The following SLC60A2 variants were observed in gnomAD, a reference collection of about 807,000 sequenced individuals.
The protein encoded by SLC60A2 is major facilitator superfamily domain containing 4B.
At chr6:111,266,330 A>G in the SLC60A2 span, 1 of 1,613,972 alleles carries the variant, frequency 6.2e-7, no homozygotes, top group South Asian at 1.1e-5. Flanking sequence ...TCTCATTTGC[A>G]ACCACCCATG....
chr6:111,263,796 A>G, the SLC60A2 span: 1 of 1,165,266 alleles, frequency 8.6e-7, no homozygotes, highest in Non-Finnish European at 1.3e-6. Flanking sequence ...CTGCATGGAT[A>G]TTATTTTTTA....
the SLC60A2 span, among the ~76,000 whole-genome samples, chr6:111,272,143 C>T: frequency 6.6e-6 from 1 of 152,178 alleles, no homozygotes; most frequent in African/African-American, 2.4e-5. Flanking sequence ...GCTGGGACTA[C>T]AGGCTTGTGC....
the SLC60A2 span, chr6:111,270,888 C>T: frequency 6.6e-6 from 1 of 151,404 alleles, no homozygotes; most frequent in Non-Finnish European, 1.5e-5. Context: ...GGGAAAAAAG[C>T]TTCAGCGGTC....
At chr6:111,274,688 C>T in the SLC60A2 span, among the ~76,000 whole-genome samples, 5 of 152,180 alleles carry the variant, frequency 3.3e-5, no homozygotes, top group African/African-American at 1.2e-4. Context: ...AACACTAGTA[C>T]ATTTTATGCT....
chr6:111,259,578 G>C, the SLC60A2 span: 2 of 1,092,764 alleles, frequency 1.8e-6, no homozygotes, highest in Non-Finnish European at 2.5e-6. Context: ...CGGGCCCCCG[G>C]CTGCGGGGCA....
At chr6:111,266,004 G>A in the SLC60A2 span, 1 of 1,614,058 alleles carries the variant, frequency 6.2e-7, no homozygotes, top group Non-Finnish European at 8.5e-7. Context: ...GGGTCCGACA[G>A]CGTCTGCTGA....
At chr6:111,261,000 T>G in the SLC60A2 span, among the ~76,000 whole-genome samples, 1 of 152,198 alleles carries the variant, frequency 6.6e-6, no homozygotes, top group Admixed American at 6.5e-5. Context: ...ATTCTGGAAA[T>G]GTAGACTGAT....
the SLC60A2 span, chr6:111,262,227 AGTAAAAACTT>A: frequency 6.3e-7 from 1 of 1,582,116 alleles, no homozygotes; most frequent in Non-Finnish European, 8.6e-7. Context: ...AATGATTATA[AGTAAAAACTT>A]TTGTCTTTTT....
chr6:111,270,198 A>G, the SLC60A2 span: 3 of 152,288 alleles, frequency 2.0e-5, no homozygotes, highest in South Asian at 6.2e-4. Flanking sequence ...TGAGTCTTGT[A>G]TGACATTACG....
At chr6:111,259,738 G>A in the SLC60A2 span, 1 of 1,581,082 alleles carries the variant, frequency 6.3e-7, no homozygotes, top group Non-Finnish European at 8.6e-7. Flanking sequence ...GTGAGAGCCG[G>A]GGCTGCAACA....
the SLC60A2 span, chr6:111,263,899 C>T: frequency 1.2e-6 from 2 of 1,611,386 alleles, no homozygotes; most frequent in Non-Finnish European, 1.7e-6. Flanking sequence ...ATATTACTCA[C>T]TGTCATGATG....
At chr6:111,260,172 A>G in the SLC60A2 span, among the ~76,000 whole-genome samples, 2 of 152,100 alleles carry the variant, frequency 1.3e-5, no homozygotes, top group African/African-American at 2.4e-5. Context: ...CGGCCTCCCA[A>G]AGTATTGGGA....
chr6:111,266,267 T>C, the SLC60A2 span: 42 of 1,614,124 alleles, frequency 2.6e-5, no homozygotes, highest in Non-Finnish European at 3.2e-5. Context: ...GTCTCCTTTT[T>C]CTGTTCTTCT....
the SLC60A2 span, chr6:111,267,147 T>C: frequency 6.4e-7 from 1 of 1,562,388 alleles, no homozygotes; most frequent in Non-Finnish European, 8.7e-7. Context: ...CTGACATCTT[T>C]GAATAACTGC....
the SLC60A2 span, chr6:111,266,270 GTTC>G: frequency 2.3e-5 from 37 of 1,613,946 alleles, no homozygotes; most frequent in East Asian, 2.5e-4. Context: ...TCCTTTTTCT[GTTC>G]TTCTTTTTTT....
chr6:111,266,096 T>A, the SLC60A2 span: 1 of 1,614,192 alleles, frequency 6.2e-7, no homozygotes, highest in Non-Finnish European at 8.5e-7. Flanking sequence ...GAGTACCTAA[T>A]GATAAGAATT....
chr6:111,269,892 C>G, the SLC60A2 span: 1 of 152,118 alleles, frequency 6.6e-6, no homozygotes, highest in East Asian at 1.9e-4. Flanking sequence ...CTGCTGATAC[C>G]TAAGTAACCA....
the SLC60A2 span, among the ~76,000 whole-genome samples, chr6:111,263,183 C>T: frequency 1.4e-4 from 21 of 152,260 alleles, no homozygotes; most frequent in East Asian, 4.1e-3. Flanking sequence ...AAGGATCAGC[C>T]TCCCAGAGTA....
At chr6:111,259,568 C>G in the SLC60A2 span, 9 of 931,534 alleles carry the variant, frequency 9.7e-6, no homozygotes, top group Non-Finnish European at 1.2e-5. Flanking sequence ...TCCGTGGGGC[C>G]GGGCCCCCGG....
Sources: gnomAD v4.1 joint callset for allele counts (sites outside exome capture counted in the v4.1 genomes callset) on GRCh38, gnomAD v4.1.1 for gene constraint, MANE v1.5 for transcripts, NCBI Gene and HGNC (gene_info 2026-07-23, HGNC 2026-07-21) for gene names.